The following CAPSL variants were observed in gnomAD, a reference collection of about 807,000 sequenced individuals.
CAPSL encodes calcyphosin-like protein.
CAPSL carries 17 observed loss-of-function variants against 21.3 expected under a neutral mutation model. That is an observed-to-expected ratio of 0.80 (90% CI 0.55 to 1.20). The LOEUF is 1.20. Among genes scored for constraint, CAPSL ranks in the 50% most tolerant of loss-of-function variants. The pLI is 0.00. For synonymous variants in CAPSL, 102 were observed against 89.3 expected (o/e 1.14, Z -0.80); for missense variants, 289 against 259.3 (o/e 1.11, Z -0.79).
chr5:35,934,022 T>C (rs1386620347), intron 1 of CAPSL, among the ~76,000 whole-genome samples: 2 of 152,240 alleles, frequency 1.3e-5, no homozygotes, highest in Non-Finnish European at 2.9e-5. Flanking sequence ...GTTCAGTGTC[T>C]TGTAATGCCA....
At chr5:35,917,717 G>A (rs1738429601) in intron 2 of CAPSL, among the ~76,000 whole-genome samples, 1 of 152,124 alleles carries the variant, frequency 6.6e-6, no homozygotes, top group African/African-American at 2.4e-5. Context: ...TGCCTGTTGT[G>A]GGGTGAAGGG....
intron 1 of CAPSL, among the ~76,000 whole-genome samples, chr5:35,934,957 G>A (rs1043001089): frequency 6.6e-6 from 1 of 152,142 alleles, no homozygotes; most frequent in Non-Finnish European, 1.5e-5. Context: ...AGTCTTCTCA[G>A]ATGAAAGCAC....
intron 2 of CAPSL, among the ~76,000 whole-genome samples, chr5:35,919,016 G>A (rs960621207): frequency 6.6e-6 from 1 of 151,872 alleles, no homozygotes; most frequent in Non-Finnish European, 1.5e-5. Context: ...TGGAAGAGTA[G>A]TAATACTGTT....
At chr5:35,928,951 G>T (rs1253334315) in intron 1 of CAPSL, among the ~76,000 whole-genome samples, 1 of 152,154 alleles carries the variant, frequency 6.6e-6, no homozygotes, top group African/African-American at 2.4e-5. Context: ...ATTGTTTTTA[G>T]TTGGTTTTCC....
At chr5:35,938,070 T>C (rs1738999086) in intron 1 of CAPSL, among the ~76,000 whole-genome samples, 1 of 152,210 alleles carries the variant, frequency 6.6e-6, no homozygotes, top group African/African-American at 2.4e-5. Flanking sequence ...CAGTTGTCAG[T>C]GTATAGCAGA....
intron 1 of CAPSL, among the ~76,000 whole-genome samples, chr5:35,924,190 A>G (rs960527359): frequency 7.9e-5 from 12 of 152,150 alleles, no homozygotes; most frequent in African/African-American, 2.9e-4. Context: ...CGGAAACATG[A>G]CTCACAGTAA....
At chr5:35,913,214 G>T (rs2149919818) in intron 2 of CAPSL, among the ~76,000 whole-genome samples, 1 of 152,320 alleles carries the variant, frequency 6.6e-6, no homozygotes. Context: ...TATGTGAAAA[G>T]ACCAAATCTA....
In CAPSL at chr5:35,910,453, T is replaced by C. The variant is rs1264047709; in HGVS notation, c.228A>G (p.Glu76=). 3.7e-6 allele frequency: 6 copies of C among 1,613,834 alleles called. No homozygotes were observed. In the East Asian group the frequency reaches 1.1e-4, roughly 30 times the overall value. ...GGAAAAGTTCTTCCACCTCTTCTTT[T>C]TCCATGACCACAGCATAATCATTTA... is the stretch of plus-strand genomic sequence containing the variant. The part of the protein sequence containing the change: ...KGLNDYAVVM[E]KEEVEELFRR... Residue 76 remains glutamate, a synonymous_variant, in exon 3 of 5, where the codon GAA becomes GAG. Transcript: ENST00000651391.
chr5:35,929,571 A>G (rs1480558782), intron 1 of CAPSL, among the ~76,000 whole-genome samples: 3 of 152,144 alleles, frequency 2.0e-5, no homozygotes, highest in African/African-American at 7.2e-5. Context: ...TTACAGGCGT[A>G]AGCCACCACG....
chr5:35,930,549 A>C (rs1319186254), intron 1 of CAPSL, among the ~76,000 whole-genome samples: 1 of 152,154 alleles, frequency 6.6e-6, no homozygotes. Context: ...ACACTTGCCC[A>C]AGCCTGAGAA....
At position 35,919,170 on chromosome 5, in the gene CAPSL, A is replaced by ATATATAT. The variant is rs1554069748; in HGVS notation, c.137+1813_137+1814insATATATA. On this transcript the variant is annotated intron_variant, in intron 2 of 4. Transcript: ENST00000651391. ...AGTATCTTTCCTGATTAAAAAAAAA[A>ATATATAT]ATATATATATATATATATATAAAAA... is the stretch of plus-strand genomic sequence containing the variant. Among the ~76,000 whole-genome samples, 284 of 121,254 alleles carry ATATATAT rather than the reference A, an allele frequency of 2.3e-3. 3 individuals carry two copies. Among genetic ancestry groups the ATATATAT allele is most frequent in the African/African-American group, 5.9e-3 (200 of 33,830 alleles). The allele number at this position is 121,254 out of a possible 152,430, so 79.5% of individuals were successfully genotyped here.
chr5:35,916,762 G>C (rs909254867), intron 2 of CAPSL, among the ~76,000 whole-genome samples: 57 of 152,138 alleles, frequency 3.7e-4, no homozygotes, highest in African/African-American at 1.9e-4. Flanking sequence ...CATAAAAACC[G>C]TAGAAGAAAA....
intron 4 of CAPSL, among the ~76,000 whole-genome samples, chr5:35,909,279 T>C (rs543064795): frequency 1.3e-4 from 20 of 152,290 alleles, no homozygotes; most frequent in South Asian, 4.1e-4. Context: ...AGTTTAGAAA[T>C]GTAAGTTAAT....
At chr5:35,922,319 CTG>C (rs1738560112) in intron 1 of CAPSL, among the ~76,000 whole-genome samples, 2 of 152,290 alleles carry the variant, frequency 1.3e-5, no homozygotes, top group Admixed American at 1.3e-4. Flanking sequence ...AAGCCAATAA[CTG>C]AGGCCAGAAT....
chr5:35,910,195 T>C (rs1738178354), intron 3 of CAPSL, 120 bp from the exon 4 acceptor site: 3 of 1,092,452 alleles, frequency 2.7e-6, no homozygotes, highest in Admixed American at 5.3e-5. Flanking sequence ...TGTGCTATTA[T>C]GTAATAGACA....
intron 1 of CAPSL, among the ~76,000 whole-genome samples, chr5:35,931,264 G>C (rs1214277857): frequency 1.3e-5 from 2 of 152,032 alleles, no homozygotes; most frequent in Non-Finnish European, 2.9e-5. Context: ...TGTGAGAAGA[G>C]ACTCAACTAC....
At chr5:35,937,623 T>A (rs700169) in intron 1 of CAPSL, among the ~76,000 whole-genome samples, 95,668 of 152,014 alleles carry the variant, frequency 0.63, 31,003 homozygotes, top group East Asian at 0.78. Flanking sequence ...CCTTACGAGG[T>A]AGAGCTGTAT....
chr5:35,910,320 G>C, intron 3 of CAPSL, 46 bp downstream of exon 3: 2 of 1,584,510 alleles, frequency 1.3e-6, no homozygotes, highest in Non-Finnish European at 1.7e-6. Flanking sequence ...CCCAAACCAC[G>C]TGAAAGCCAA....
intron 1 of CAPSL, among the ~76,000 whole-genome samples, chr5:35,926,401 A>G (rs1169030502): frequency 6.6e-6 from 1 of 152,134 alleles, no homozygotes; most frequent in Non-Finnish European, 1.5e-5. Context: ...CTACGGTAGC[A>G]ATGGTCCCAT....
Sources: gnomAD v4.1 joint callset for allele counts (sites outside exome capture counted in the v4.1 genomes callset) on GRCh38, gnomAD v4.1.1 for gene constraint, MANE v1.5 for transcripts, NCBI Gene and HGNC (gene_info 2026-07-23, HGNC 2026-07-21) for gene names.